RNF150: variants seen among roughly 807,000 people sequenced by gnomAD.
RNF150 encodes ring finger protein 150.
Under a neutral mutation model 39.3 loss-of-function variants are expected in RNF150, and 24 were observed. The ratio of observed to expected loss-of-function variants is 0.61; its 90% CI spans 0.44 to 0.86. The LOEUF is 0.86. Ranked by LOEUF, RNF150 falls within the 40% of genes least tolerant of loss-of-function variation. The pLI is 0.00. For synonymous variants in RNF150, 255 were observed against 227.3 expected, an observed-to-expected ratio of 1.12 and a Z score of -1.10; for missense variants, 502 against 587.8, an observed-to-expected ratio of 0.85 and a Z score of 1.51.
chr4:141,061,214 G>A (rs116191637), intron 1 of RNF150, among the ~76,000 whole-genome samples: 2,812 of 152,092 alleles, frequency 0.018, 33 homozygotes, highest in South Asian at 0.039. Context: ...TGATATCCTG[G>A]TACTGCATGG....
intron 6 of RNF150, among the ~76,000 whole-genome samples, chr4:140,898,866 G>A (rs1202888305): frequency 6.6e-6 from 1 of 152,142 alleles, no homozygotes; most frequent in East Asian, 1.9e-4. Context: ...AGGAGTGTAA[G>A]TGCAGCCAAT....
chr4:141,205,508 C>A (rs1728360576), intron 1 of RNF150, among the ~76,000 whole-genome samples: 2 of 152,092 alleles, frequency 1.3e-5, no homozygotes. Context: ...AGAGGCAGGA[C>A]AAAAGATCCA....
chr4:141,088,107 A>G (rs956994842), intron 1 of RNF150, among the ~76,000 whole-genome samples: 13 of 152,194 alleles, frequency 8.5e-5, no homozygotes, highest in African/African-American at 3.1e-4. Context: ...CCATTTGGTC[A>G]TATATAAACT....
At chr4:141,071,124 T>C (rs1412741129) in intron 1 of RNF150, among the ~76,000 whole-genome samples, 2 of 135,452 alleles carry the variant, frequency 1.5e-5, no homozygotes, top group Non-Finnish European at 3.2e-5. Context: ...CAGTAAACTA[T>C]TGCAAGAACA....
intron 1 of RNF150, among the ~76,000 whole-genome samples, chr4:141,096,299 C>T (rs189772401): frequency 3.4e-5 from 5 of 145,120 alleles, no homozygotes; most frequent in Non-Finnish European, 5.9e-5. Flanking sequence ...CGGGTTCAAG[C>T]GATTCTCCTG....
intron 1 of RNF150, among the ~76,000 whole-genome samples, chr4:141,104,201 G>T (rs903360267): frequency 5.3e-5 from 8 of 152,046 alleles, no homozygotes; most frequent in African/African-American, 1.9e-4. Flanking sequence ...CTCTGAACAC[G>T]AATGAAGAAT....
intron 1 of RNF150, among the ~76,000 whole-genome samples, chr4:141,177,054 G>GAAAAAAAAAAAAAAA (rs5862514): frequency 9.0e-6 from 1 of 111,698 alleles, no homozygotes. Flanking sequence ...TGTCTCCTAG[G>GAAAAAAAAAAAAAAA]AAAAAAAAAA....
chr4:141,115,606 A>G (rs991058468), intron 1 of RNF150, among the ~76,000 whole-genome samples: 3 of 152,210 alleles, frequency 2.0e-5, no homozygotes, highest in African/African-American at 4.8e-5. Flanking sequence ...TCAAGCTACC[A>G]CTGACTTTCT....
At chr4:141,000,738 A>T (rs186609705) in intron 1 of RNF150, among the ~76,000 whole-genome samples, 14 of 152,214 alleles carry the variant, frequency 9.2e-5, no homozygotes, top group African/African-American at 1.4e-4. Flanking sequence ...CTCACATGCC[A>T]AAAATGTTGC....
chr4:140,915,441 A>G (rs1730779685), intron 5 of RNF150, among the ~76,000 whole-genome samples: 2 of 152,340 alleles, frequency 1.3e-5, no homozygotes, highest in South Asian at 4.1e-4. Flanking sequence ...ATGAAGGGGA[A>G]CAAAATCCAA....
chr4:141,161,668 C>T (rs1444057271), intron 1 of RNF150, among the ~76,000 whole-genome samples: 5 of 152,240 alleles, frequency 3.3e-5, no homozygotes, highest in Admixed American at 2.6e-4. Context: ...ATGGACCAGG[C>T]CCAGGGCCCC....
chr4:140,913,220 C>G (rs36000833), intron 5 of RNF150, among the ~76,000 whole-genome samples: 1 of 152,048 alleles, frequency 6.6e-6, no homozygotes, highest in African/African-American at 2.4e-5. Flanking sequence ...AAGATTGTCC[C>G]ACTGCACTCC....
intron 1 of RNF150, among the ~76,000 whole-genome samples, chr4:141,065,077 C>T (rs1737398921): frequency 6.6e-6 from 1 of 152,174 alleles, no homozygotes; most frequent in African/African-American, 2.4e-5. Flanking sequence ...GTTGGTCAGG[C>T]TGATCTTGAT....
chr4:140,916,753 A>G (rs752894445), intron 5 of RNF150, among the ~76,000 whole-genome samples: 2 of 152,226 alleles, frequency 1.3e-5, no homozygotes, highest in African/African-American at 2.4e-5. Flanking sequence ...GATTCACCAA[A>G]GTTGAAATGA....
At chr4:140,869,914 G>C (rs537546312) in intron 6 of RNF150, among the ~76,000 whole-genome samples, 1 of 151,982 alleles carries the variant, frequency 6.6e-6, no homozygotes, top group African/African-American at 2.4e-5. Context: ...AAAAGGTCTT[G>C]TACTTTCTCT....
intron 1 of RNF150, among the ~76,000 whole-genome samples, chr4:141,151,934 A>G (rs1364616260): frequency 6.6e-6 from 1 of 152,192 alleles, no homozygotes; most frequent in Non-Finnish European, 1.5e-5. Context: ...CTATGGTTGG[A>G]AAATATTTAA....
upstream of RNF150, among the ~76,000 whole-genome samples, chr4:141,134,916 A>AT (rs1168506754): frequency 6.6e-6 from 1 of 151,852 alleles, no homozygotes; most frequent in Non-Finnish European, 1.5e-5. Flanking sequence ...ATCGCTTAGC[A>AT]TTTTTTTTCT....
At chr4:140,932,883 C>CT in intron 4 of RNF150, among the ~76,000 whole-genome samples, 1 of 152,330 alleles carries the variant, frequency 6.6e-6, no homozygotes, top group South Asian at 2.1e-4. Context: ...ATAGTGACTG[C>CT]TTTGTCAGCC....
chr4:141,164,448 G>A (rs2196288), intron 1 of RNF150, among the ~76,000 whole-genome samples: 56,481 of 151,776 alleles, frequency 0.37, 12,922 homozygotes, highest in Non-Finnish European at 0.5. Context: ...CAGTAAATAC[G>A]GAGAAGACTA....
Sources: allele counts gnomAD v4.1 joint callset (sites outside exome capture counted in the v4.1 genomes callset), GRCh38; gene constraint gnomAD v4.1.1; transcripts MANE v1.5; gene names NCBI Gene and HGNC (gene_info 2026-07-23, HGNC 2026-07-21).